EXD3: variants seen among roughly 807,000 people sequenced by gnomAD.
EXD3 encodes the protein exonuclease mut-7 homolog.
A neutral mutation model predicts 98.0 loss-of-function variants in EXD3; 92 were observed. The ratio of observed to expected loss-of-function variants is 0.94; its 90% confidence interval spans 0.79 to 1.12. EXD3 has a LOEUF of 1.12. Ranked by LOEUF, EXD3 falls within the 50% of genes most tolerant of loss-of-function variation. The probability of loss-of-function intolerance (pLI) is 0.00; values close to 1 mark genes in which losing one functional copy is unlikely to be tolerated. For missense variants in EXD3, 1,222 were observed against 1,191.6 expected (o/e 1.03, Z -0.38); for synonymous variants, 569 against 526.0 (o/e 1.08, Z -1.12).
At chr9:137,391,655 T>C (rs1173211904) in intron 2 of EXD3, 2 of 124,012 alleles carry the variant, frequency 1.6e-5, no homozygotes, top group Non-Finnish European at 3.3e-5. Context: ...CCGCCCCGCC[T>C]CGCCGACCGC....
intron 13 of EXD3, 80 bp from the exon 14 acceptor site, chr9:137,351,227 C>A (rs1834282774): frequency 6.5e-7 from 1 of 1,535,378 alleles, no homozygotes; most frequent in African/African-American, 1.4e-5. Flanking sequence ...GCACCCAGCA[C>A]CCTCCCCGGG....
intron 3 of EXD3, chr9:137,374,664 G>A: frequency 1.0e-6 from 1 of 985,608 alleles, no homozygotes; most frequent in Non-Finnish European, 1.2e-6. Flanking sequence ...ATGCCCAAAG[G>A]CGCGGGAGGC....
intron 17 of EXD3, among the ~76,000 whole-genome samples, chr9:137,330,030 G>A (rs1832917174): frequency 7.0e-6 from 1 of 142,504 alleles, no homozygotes; most frequent in Admixed American, 6.9e-5. Context: ...GGACTACACA[G>A]GACTACACCG....
In EXD3 at chr9:137,354,696, G is replaced by C. The variant is rs1457392644; in HGVS notation, c.831+4C>G. The C allele has an allele frequency of 6.2e-7, 1 of 1,610,466 alleles. No individual in the cohort carries two copies. The highest frequency in any genetic ancestry group is 8.5e-7 in the Non-Finnish European group (1 of 1,179,672). ...GCCCCCAGGACCCCCTCCTGCTCAC[G>C]AACCTCCACAAACCGCTTGTGGCAC... On this transcript the variant is annotated splice_donor_region_variant and intron_variant, in intron 9 of 21. Coordinates refer to ENST00000340951, the MANE Select transcript of EXD3 (RefSeq NM_017820.5).
chr9:137,323,620 C>G (rs1832211236), intron 19 of EXD3, 105 bp downstream of exon 19: 3 of 1,473,688 alleles, frequency 2.0e-6, no homozygotes, highest in Non-Finnish European at 2.7e-6. Flanking sequence ...GCCGACACCC[C>G]ACCCCAGACC....
chr9:137,413,035 A>G lies in EXD3; in HGVS notation c.-48+10079T>C, dbSNP rs1356898729. 2.0e-5 allele frequency among the ~76,000 whole-genome samples: 3 copies of G among 151,786 alleles called. No individual in the cohort carries two copies. The East Asian group carries it at 5.8e-4, about 29-fold the overall frequency. On this transcript the variant is annotated intron_variant, in intron 1 of 21. Transcript: ENST00000340951. ...TGAGCTCGGTAATCCTCCTGCCTCA[A>G]CCTCCCTAAGTGCTGGGATTACAGG...
chr9:137,394,973 G>A (rs1043928238), intron 2 of EXD3, among the ~76,000 whole-genome samples: 5 of 152,066 alleles, frequency 3.3e-5, no homozygotes, highest in African/African-American at 1.2e-4. Context: ...GGACAGAGGG[G>A]ACCAGAGCTC....
At chr9:137,312,474 G>A (rs373896538) in intron 19 of EXD3, among the ~76,000 whole-genome samples, 3 of 152,288 alleles carry the variant, frequency 2.0e-5, no homozygotes, top group African/African-American at 4.8e-5. Flanking sequence ...CCACGAGCCC[G>A]TGGGCGTGTG....
chr9:137,416,954 G>A (rs1258282244), intron 1 of EXD3, among the ~76,000 whole-genome samples: 1 of 152,206 alleles, frequency 6.6e-6, no homozygotes, highest in Non-Finnish European at 1.5e-5. Context: ...CCCGTTTCCC[G>A]ACAGACGCGG....
intron 1 of EXD3, among the ~76,000 whole-genome samples, chr9:137,412,232 C>A (rs1000309683): frequency 6.6e-6 from 1 of 152,152 alleles, no homozygotes; most frequent in African/African-American, 2.4e-5. Context: ...AAGGAGGCCT[C>A]CAAGGCCTGT....
intron 8 of EXD3, among the ~76,000 whole-genome samples, chr9:137,355,713 A>ATGG (rs1834733804): frequency 1.3e-5 from 2 of 151,408 alleles, no homozygotes. Context: ...AGGAAGGAGG[A>ATGG]AGGAGGAAGG....
intron 7 of EXD3, among the ~76,000 whole-genome samples, chr9:137,363,163 T>C (rs557957299): frequency 2.0e-5 from 3 of 152,078 alleles, no homozygotes; most frequent in Non-Finnish European, 4.4e-5. Flanking sequence ...GCTAATATTT[T>C]GTTTTGTATT....
intron 12 of EXD3, 64 bp from the exon 13 acceptor site, chr9:137,351,592 TG>T: frequency 6.8e-7 from 1 of 1,475,688 alleles, no homozygotes; most frequent in Non-Finnish European, 9.2e-7. Flanking sequence ...GACCACAGCC[TG>T]GAGGTCCTGA....
chr9:137,317,932 G>A (rs1341163322), intron 19 of EXD3, among the ~76,000 whole-genome samples: 1 of 152,196 alleles, frequency 6.6e-6, no homozygotes, highest in Non-Finnish European at 1.5e-5. Context: ...GTGACATGGG[G>A]GTGCCAAGCG....
Position 137,349,640 on chromosome 9 carries a change from T to A in EXD3, c.1495-109A>T. On this transcript the variant is annotated intron_variant, in intron 14 of 21. Coordinates refer to ENST00000340951, the MANE Select transcript of EXD3 (RefSeq NM_017820.5). This position sits in a 1 kb window ranked among gnomAD's most constrained non-coding sequence, Gnocchi z 7.4. Reference sequence around the variant, plus strand: ...GGGCTCTGGAGGAGGCCCCGCCCCCTCCACCAGCGGCCCCCACAGCAGAGA... The same window carrying A: ...GGGCTCTGGAGGAGGCCCCGCCCCCACCACCAGCGGCCCCCACAGCAGAGA... 1 of 1,167,346 alleles carries A rather than the reference T, an allele frequency of 8.6e-7. No homozygotes were observed. Among genetic ancestry groups the A allele is most frequent in the Non-Finnish European group, 1.1e-6 (1 of 872,648 alleles). 72.3% of individuals were successfully genotyped at this position (1,167,346 alleles called of 1,614,324 possible).
At chr9:137,411,021 C>T (rs532854992) in intron 1 of EXD3, among the ~76,000 whole-genome samples, 6 of 152,332 alleles carry the variant, frequency 3.9e-5, no homozygotes, top group South Asian at 2.1e-4. Flanking sequence ...GTGCAGATTT[C>T]GGTCATTGGC....
chr9:137,322,212 C>T (rs924683550), intron 19 of EXD3, among the ~76,000 whole-genome samples: 3 of 152,192 alleles, frequency 2.0e-5, no homozygotes, highest in African/African-American at 7.2e-5. Context: ...CCACAATTTC[C>T]CTCGATTCCT....
chr9:137,322,037 G>T (rs1238526580), intron 19 of EXD3, among the ~76,000 whole-genome samples: 1 of 152,142 alleles, frequency 6.6e-6, no homozygotes, highest in East Asian at 1.9e-4. Flanking sequence ...GAGGTGAGTT[G>T]GGCTTTGGTG....
rs984180994 is a variant in EXD3 at position 137,407,979 on chromosome 9, G to T, written c.-47-12575C>A. 6.6e-6 allele frequency among the ~76,000 whole-genome samples: 1 copy of T among 152,036 alleles called. No individual in the cohort carries two copies. The highest frequency in any genetic ancestry group is 1.5e-5 in the Non-Finnish European group (1 of 67,994). ...GTTTTCCAGCCTCACGCCTCCGGGG[G>T]TCTCCCCAGCCTCATGCCTCTGGGG... On this transcript the variant is annotated intron_variant, in intron 1 of 21. Coordinates refer to ENST00000340951, the MANE Select transcript of EXD3 (RefSeq NM_017820.5). The surrounding 1 kb of genome is among the most constrained non-coding windows in gnomAD (Gnocchi z 4.4).
Sources: gnomAD v4.1 joint callset for allele counts (sites outside exome capture counted in the v4.1 genomes callset) on GRCh38, gnomAD v4.1.1 for gene constraint, Gnocchi (gnomAD v3.1) non-coding constraint, MANE v1.5 for transcripts, NCBI Gene and HGNC (gene_info 2026-07-23, HGNC 2026-07-21) for gene names.